The following TMEM44 variants were observed in gnomAD, a reference collection of about 807,000 sequenced individuals.
The protein encoded by TMEM44 is transmembrane protein 44.
In TMEM44, 43 loss-of-function variants were observed where a neutral mutation model predicts 47.8. The ratio of observed to expected loss-of-function variants is 0.90; its 90% CI spans 0.70 to 1.16. The LOEUF (loss-of-function observed/expected upper bound fraction) is 1.16. TMEM44 is among the 50% of genes most tolerant of loss of function. TMEM44 has a pLI of 0.00. For synonymous variants in TMEM44, 277 were observed against 238.8 expected (o/e 1.16, Z -1.48); for missense variants, 568 against 555.2 (o/e 1.02, Z -0.23).
intron 9 of TMEM44, chr3:194,593,172 GC>G: frequency 7.8e-7 from 1 of 1,281,454 alleles, no homozygotes. Context: ...TGCTCAGTGA[GC>G]CAGGAGACAG....
Position 194,607,724 on chromosome 3 carries a change from G to A in TMEM44, c.1017+3192C>T, listed in dbSNP as rs555511793. On this transcript the variant is annotated intron_variant, in intron 8 of 9. Transcript: ENST00000347147. ...CTTAGACCAGTACTCTGGCCCATAA[G>A]TACCACGTAAGTGTTGGCTGCTGTT... 2.3e-4 allele frequency among the ~76,000 whole-genome samples: 35 copies of A among 152,312 alleles called. No individual in the cohort carries two copies. The South Asian group carries it at 3.3e-3, about 14-fold the overall frequency.
In TMEM44 at chr3:194,611,635, G is replaced by A. The variant is rs923347908; in HGVS notation, c.913-615C>T. Among the ~76,000 whole-genome samples the A allele has an allele frequency of 6.6e-6, 1 of 152,210 alleles. No individual in the cohort carries two copies. Among genetic ancestry groups the A allele is most frequent in the Admixed American group, 6.5e-5 (1 of 15,280 alleles). ...GATTCTAACGTGCGGCCAAGTTTGCGAACCACTGCAATAGGTGCCCAATAA... is the reference window on the plus strand; with the variant it reads ...GATTCTAACGTGCGGCCAAGTTTGCAAACCACTGCAATAGGTGCCCAATAA... On this transcript the variant is annotated intron_variant, in intron 7 of 9. Transcript: ENST00000347147. The surrounding 1 kb of genome is among the most constrained non-coding windows in gnomAD (Gnocchi z 4.2).
At position 194,588,133 on chromosome 3, in the gene TMEM44, G is replaced by C. The variant is rs1712085147; in HGVS notation, c.*396C>G. 1 of 175,212 alleles carries C rather than the reference G, an allele frequency of 5.7e-6. No homozygotes were observed. Among genetic ancestry groups the C allele is most frequent in the Non-Finnish European group, 1.2e-5 (1 of 82,398 alleles). 10.9% of individuals were successfully genotyped at this position (175,212 alleles called of 1,614,324 possible). The stretch of plus-strand genomic sequence containing the variant: ...AGCCAGGTCTTGCAGAATGGGCTCT[G>C]CTGAGATCTAACCAGACACATTTGC... On this transcript the variant is annotated 3_prime_UTR_variant, in exon 10 of 10. Coordinates refer to ENST00000347147, the MANE Select transcript of TMEM44 (RefSeq NM_001011655.3).
chr3:194,627,412 A>T (rs1442679789), intron 2 of TMEM44, among the ~76,000 whole-genome samples: 1 of 147,042 alleles, frequency 6.8e-6, no homozygotes, highest in Non-Finnish European at 1.5e-5. Flanking sequence ...TTTCCTGGGG[A>T]TATGTGTTTT....
At position 194,604,401 on chromosome 3, in the gene TMEM44, G is replaced by A. The variant is rs540242603; in HGVS notation, c.1062C>T (p.Ser354=). Residue 354 remains serine, a synonymous_variant, in exon 9 of 10, where the codon AGC becomes AGT. Transcript: ENST00000347147. ...GGTCCTGCAGGGACGCATCTCCGGC[G>A]CTCGTCTGCCCGTCACCTGGCAGCC... ...ATRLPGDGQT[S]AGDASLQDPP... 15 of 1,540,284 alleles carry A rather than the reference G, an allele frequency of 9.7e-6. No individual in the cohort carries two copies. The highest frequency in any genetic ancestry group is 4.0e-5 in the Admixed American group (2 of 50,106).
At chr3:194,596,166 C>T (rs2794668) in intron 9 of TMEM44, among the ~76,000 whole-genome samples, 140,129 of 152,060 alleles carry the variant, frequency 0.92, 64,628 homozygotes, top group East Asian at 0.98. Flanking sequence ...AGCAGCAAGG[C>T]GCCCAGAAGG....
At chr3:194,625,116 C>A (rs1717001083) in intron 3 of TMEM44, among the ~76,000 whole-genome samples, 1 of 152,238 alleles carries the variant, frequency 6.6e-6, no homozygotes, top group African/African-American at 2.4e-5. Flanking sequence ...CTGGCCCAGT[C>A]ATTTCCGACC....
In TMEM44 at chr3:194,633,177, G is replaced by A. The variant is rs755976156; in HGVS notation, c.39C>T (p.Asp13=). Residue 13 remains aspartate, a synonymous_variant, in exon 1 of 10, where the codon GAC becomes GAT. Transcript: ENST00000347147. ...CGAAGCAGCGGTCCAGGTAGTCCCA[G>A]TCCCAGAGCGCGGGCGCGGGGCTGG... ...EAPSPAPALW[D]WDYLDRCFAR... is the part of the protein sequence containing the mutation. 1 of 1,535,466 alleles carries A rather than the reference G, an allele frequency of 6.5e-7. No individual in the cohort carries two copies. The highest frequency in any genetic ancestry group is 8.8e-7 in the Non-Finnish European group (1 of 1,140,770).
At chr3:194,589,429 C>T (rs1469625651) in intron 9 of TMEM44, 5 of 152,310 alleles carry the variant, frequency 3.3e-5, no homozygotes, top group South Asian at 2.1e-4. Flanking sequence ...CCCCTGAGCA[C>T]GGACAGCCCT....
chr3:194,628,635 G>A (rs115167169), intron 1 of TMEM44, 126 bp from the exon 2 acceptor site: 892 of 1,205,638 alleles, frequency 7.4e-4, no homozygotes, highest in Non-Finnish European at 9.3e-4. Flanking sequence ...TATTTAGGAC[G>A]TGTTTTTGAA....
chr3:194,627,625 G>A (rs1412756589), intron 2 of TMEM44, among the ~76,000 whole-genome samples: 1 of 152,176 alleles, frequency 6.6e-6, no homozygotes, highest in Non-Finnish European at 1.5e-5. Flanking sequence ...TGGGGATACA[G>A]CAGTGAACAA....
At chr3:194,590,634 C>T (rs1042835257) in intron 9 of TMEM44, among the ~76,000 whole-genome samples, 2 of 152,198 alleles carry the variant, frequency 1.3e-5, no homozygotes, top group Non-Finnish European at 2.9e-5. Flanking sequence ...ATTGTTCTCA[C>T]AGCGTGTGCT....
rs765571309 is a variant in TMEM44 at position 194,588,572 on chromosome 3, T to G, written c.1244A>C (p.His415Pro). ...ENVELLGSQV[H>P]QDSVRTAHLS... ...GTGTGCTGTCCTCACAGAGTCCTGG[T>G]GCACCTGGGATCCCAGTAGCTCCAC... is the stretch of plus-strand genomic sequence containing the variant. The change falls in exon 10 of 10, where the codon CAC (histidine) becomes CCC (proline). Residue 415 changes from histidine (H) to proline (P), a missense_variant. Coordinates refer to ENST00000347147, the MANE Select transcript of TMEM44 (RefSeq NM_001011655.3). The G allele has an allele frequency of 1.2e-6, 2 of 1,614,096 alleles. No homozygotes were observed. Among genetic ancestry groups the G allele is most frequent in the Non-Finnish European group, 1.7e-6 (2 of 1,180,054 alleles).
At chr3:194,593,101 A>C (rs764056079) in intron 9 of TMEM44, 1 of 1,612,522 alleles carries the variant, frequency 6.2e-7, no homozygotes, top group Non-Finnish European at 8.5e-7. Context: ...AGACAGAAAA[A>C]GTGTTGGACA....
At chr3:194,627,565 A>C (rs1717309462) in intron 2 of TMEM44, among the ~76,000 whole-genome samples, 2 of 152,328 alleles carry the variant, frequency 1.3e-5, no homozygotes, top group Admixed American at 1.3e-4. Context: ...CAAAGCTCTA[A>C]ATGACTATGT....
intron 9 of TMEM44, among the ~76,000 whole-genome samples, chr3:194,597,532 T>A (rs1577157652): frequency 6.6e-6 from 1 of 151,300 alleles, no homozygotes; most frequent in South Asian, 2.1e-4. Context: ...TGGTGGCAGG[T>A]GCCTGTAGTC....
rs190964071 is a variant in TMEM44, at chr3:194,611,399, C to A, written c.913-379G>T. Among the ~76,000 whole-genome samples the A allele has an allele frequency of 6.6e-6, 1 of 152,292 alleles. No homozygotes were observed. The highest frequency in any genetic ancestry group is 6.5e-5 in the Admixed American group (1 of 15,284). ...GGATGACAGGCGTGAGCCACCACACCCGGCCTATTCTGCTTTTTAAGATCC... is the reference window on the plus strand; with the variant it reads ...GGATGACAGGCGTGAGCCACCACACACGGCCTATTCTGCTTTTTAAGATCC... On this transcript the variant is annotated intron_variant, in intron 7 of 9. Coordinates refer to ENST00000347147, the MANE Select transcript of TMEM44 (RefSeq NM_001011655.3). The surrounding 1 kb of genome is among the most constrained non-coding windows in gnomAD (Gnocchi z 4.2).
chr3:194,633,035 C>A, intron 1 of TMEM44, 44 bp downstream of exon 1: 1 of 487,426 alleles, frequency 2.1e-6, no homozygotes, highest in Non-Finnish European at 3.1e-6. Context: ...GGGATTGGCG[C>A]CCGTTTCCCC....
intron 7 of TMEM44, among the ~76,000 whole-genome samples, chr3:194,612,430 C>T (rs1051022545): frequency 5.3e-5 from 8 of 152,088 alleles, no homozygotes; most frequent in Non-Finnish European, 8.8e-5. Flanking sequence ...CGGACTCAGT[C>T]GGATCACATG....
Sources: gnomAD v4.1 joint callset for allele counts (sites outside exome capture counted in the v4.1 genomes callset) on GRCh38, gnomAD v4.1.1 for gene constraint, Gnocchi (gnomAD v3.1) non-coding constraint, MANE v1.5 for transcripts, NCBI Gene and HGNC (gene_info 2026-07-23, HGNC 2026-07-21) for gene names.